CORO2B: variants seen among roughly 807,000 people sequenced by gnomAD.
CORO2B encodes the protein coronin 2B, also known as coronin-2B.
CORO2B carries 26 observed loss-of-function variants against 58.8 expected under a neutral mutation model. That is an observed-to-expected ratio of 0.44 (90% CI 0.32 to 0.61). CORO2B has a LOEUF of 0.61. CORO2B is among the 20% of genes least tolerant of loss of function. CORO2B has a pLI of 0.04. For missense variants in CORO2B, 460 were observed against 645.1 expected (o/e 0.71, Z 3.11); for synonymous variants, 242 against 253.8 (o/e 0.95, Z 0.44).
chr15:68,574,527 A>T (rs1008396562), upstream of CORO2B, among the ~76,000 whole-genome samples: 1 of 152,188 alleles, frequency 6.6e-6, no homozygotes, highest in South Asian at 2.1e-4. Flanking sequence ...CTGGGCAAAG[A>T]AGCACATTAG....
chr15:68,540,591 C>T, the CORO2B span, among the ~76,000 whole-genome samples: 2 of 152,304 alleles, frequency 1.3e-5, 1 homozygote, highest in South Asian at 4.1e-4. Context: ...AATCACCATG[C>T]TTTTGTATGC....
In CORO2B at chr15:68,714,681, AG is replaced by A; in HGVS notation, c.870+21del. On this transcript the variant is annotated intron_variant, in intron 7 of 11. Transcript: ENST00000261861. ...CTGGAAAGGTAGTAGGAGGTGGGGG[AG>A]GGCCCGGGGCAGCCTGTGGGAGAGC... is the stretch of plus-strand genomic sequence containing the variant. 1 of 1,595,224 alleles carries A rather than the reference AG, an allele frequency of 6.3e-7. No homozygotes were observed.
intron 1 of CORO2B, chr15:68,632,046 A>G: frequency 2.0e-6 from 2 of 985,460 alleles, no homozygotes; most frequent in Non-Finnish European, 2.4e-6. Flanking sequence ...ACTAGCAGCC[A>G]GGCCTCCCAG....
chr15:68,531,354 G>A, the CORO2B span, among the ~76,000 whole-genome samples: 35 of 26,202 alleles, frequency 1.3e-3, no homozygotes, highest in African/African-American at 4.5e-3. Flanking sequence ...AAAACAAGCC[G>A]AGTGCGGTGA....
intron 1 of CORO2B, among the ~76,000 whole-genome samples, chr15:68,584,127 G>C (rs2140558614): frequency 6.6e-6 from 1 of 152,358 alleles, no homozygotes; most frequent in Middle Eastern, 3.4e-3. Flanking sequence ...GACATGGAAA[G>C]GCCAAAGCCT....
intron 1 of CORO2B, among the ~76,000 whole-genome samples, chr15:68,614,182 CT>C (rs1900302437): frequency 6.6e-6 from 1 of 152,178 alleles, no homozygotes; most frequent in East Asian, 1.9e-4. Context: ...GTGAACACAT[CT>C]TAATGTGTTA....
intron 2 of CORO2B, among the ~76,000 whole-genome samples, chr15:68,655,150 A>T (rs1232910036): frequency 6.6e-6 from 1 of 152,204 alleles, no homozygotes; most frequent in Non-Finnish European, 1.5e-5. Flanking sequence ...TAATGAGGGA[A>T]GGCATGTAAA....
At chr15:68,725,304 G>A (rs1014459751) in intron 11 of CORO2B, among the ~76,000 whole-genome samples, 1 of 152,140 alleles carries the variant, frequency 6.6e-6, no homozygotes, top group African/African-American at 2.4e-5. Flanking sequence ...AGGAGACAGA[G>A]GTTGCAGTGA....
At chr15:68,693,825 ATTTGTTTG>A (rs71905785) in intron 2 of CORO2B, among the ~76,000 whole-genome samples, 27 of 151,100 alleles carry the variant, frequency 1.8e-4, no homozygotes, top group Non-Finnish European at 2.5e-4. Flanking sequence ...TCTGGTTGTG[ATTTGTTTG>A]TTTGTTTGTT....
At chr15:68,573,409 G>C in the CORO2B span, among the ~76,000 whole-genome samples, 1 of 152,110 alleles carries the variant, frequency 6.6e-6, no homozygotes, top group African/African-American at 2.4e-5. Context: ...AGCTGGAGGA[G>C]AGACAGGAGG....
upstream of CORO2B, among the ~76,000 whole-genome samples, chr15:68,578,647 C>T (rs925795737): frequency 9.2e-5 from 14 of 152,054 alleles, no homozygotes; most frequent in Admixed American, 2.0e-4. This position sits in a 1 kb window ranked among gnomAD's most constrained non-coding sequence, Gnocchi z 4.2. Flanking sequence ...CCGCGCAGCG[C>T]CTCGGCCGTC....
intron 3 of CORO2B, among the ~76,000 whole-genome samples, chr15:68,703,803 G>A (rs544111393): frequency 7.9e-5 from 12 of 152,000 alleles, no homozygotes; most frequent in East Asian, 5.8e-4. Context: ...AATCATGTAC[G>A]CGTTTTAAAG....
chr15:68,625,070 G>C (rs2140254939), intron 1 of CORO2B, among the ~76,000 whole-genome samples: 1 of 152,264 alleles, frequency 6.6e-6, no homozygotes, highest in South Asian at 2.1e-4. Flanking sequence ...TGTATGCCCA[G>C]GGTCCCTTCC....
At chr15:68,711,198 C>A (rs1029729572) in intron 4 of CORO2B, among the ~76,000 whole-genome samples, 24 of 152,100 alleles carry the variant, frequency 1.6e-4, no homozygotes, top group African/African-American at 4.6e-4. Context: ...GTAACCAAAG[C>A]TGCTGGAGGG....
intron 3 of CORO2B, among the ~76,000 whole-genome samples, chr15:68,701,883 C>A (rs907365294): frequency 6.6e-6 from 1 of 152,080 alleles, no homozygotes; most frequent in Non-Finnish European, 1.5e-5. Context: ...TGTTTTGTGT[C>A]CCCTAAGAAC....
chr15:68,692,486 G>A (rs1054068271), intron 2 of CORO2B, among the ~76,000 whole-genome samples: 2 of 151,730 alleles, frequency 1.3e-5, no homozygotes, highest in African/African-American at 4.8e-5. Context: ...TCAGGAGGCT[G>A]AGACAGGAGA....
At chr15:68,625,576 G>A (rs1271898648) in intron 1 of CORO2B, among the ~76,000 whole-genome samples, 1 of 152,002 alleles carries the variant, frequency 6.6e-6, no homozygotes, top group Non-Finnish European at 1.5e-5. Context: ...TGTGCACTCC[G>A]TTACAGGTTT....
chr15:68,668,292 A>G (rs1317270894), intron 2 of CORO2B, among the ~76,000 whole-genome samples: 1 of 151,902 alleles, frequency 6.6e-6, no homozygotes, highest in African/African-American at 2.4e-5. Context: ...GGGGGGCGCT[A>G]CAGGGGATCC....
the CORO2B span, among the ~76,000 whole-genome samples, chr15:68,549,905 C>T: frequency 8.6e-5 from 13 of 151,270 alleles, no homozygotes; most frequent in East Asian, 7.7e-4. Context: ...TGTGCCACTG[C>T]GCTCCAGCCT....
Sources: gnomAD v4.1 joint callset for allele counts (sites outside exome capture counted in the v4.1 genomes callset) on GRCh38, gnomAD v4.1.1 for gene constraint, Gnocchi (gnomAD v3.1) non-coding constraint, MANE v1.5 for transcripts, NCBI Gene and HGNC (gene_info 2026-07-23, HGNC 2026-07-21) for gene names.